Variants in OR2B11 observed in about 807,000 individuals in gnomAD.
OR2B11 encodes olfactory receptor family 2 subfamily B member 11.
For missense variants in OR2B11, 422 were observed against 400.0 expected (o/e 1.05, Z -0.47); for synonymous variants, 198 against 174.5 (o/e 1.13, Z -1.06).
At position 247,452,585 on chromosome 1, in the gene OR2B11, T is replaced by C. The variant is rs6665526; in HGVS notation, c.-603A>G. On this transcript the variant is annotated 5_prime_UTR_variant, in exon 2 of 2. It removes an upstream start codon present in the reference 5' UTR. Transcript: ENST00000641149. The stretch of plus-strand genomic sequence containing the variant: ...CGCTTGCATCCAGCTCCCGGATTCA[T>C]GCTGATCTCCGCTGTCATGACCACA... 113,256 of 155,846 alleles carry C rather than the reference T, an allele frequency of 0.73. 42,230 individuals carry two copies. Among genetic ancestry groups the C allele is most frequent in the East Asian group, 0.94 (4,901 of 5,222 alleles). 9.7% of individuals were successfully genotyped at this position (155,846 alleles called of 1,614,324 possible). A position where few individuals can be genotyped will look rare whatever the true frequency, so the allele number is the denominator to read the frequency against.
chr1:247,456,993 G>A (rs942189886), intron 1 of OR2B11, among the ~76,000 whole-genome samples: 13 of 151,986 alleles, frequency 8.6e-5, no homozygotes, highest in Non-Finnish European at 1.5e-4. Flanking sequence ...CCTCAGCCTC[G>A]TCAGTTATTC....
In OR2B11 at chr1:247,451,224, G is replaced by A. The variant is rs1356098045; in HGVS notation, c.759C>T (p.Ser253=). 6.3e-7 allele frequency: 1 copy of A among 1,599,294 alleles called. No homozygotes were observed. Among genetic ancestry groups the A allele is most frequent in the Non-Finnish European group, 8.5e-7 (1 of 1,169,800 alleles). Residue 253 remains serine, a synonymous_variant, in exon 2 of 2, where the codon TCC becomes TCT. Transcript: ENST00000641149. The stretch of plus-strand genomic sequence containing the variant: ...TGTAAATCGCAGGTAGGTAGAAGAG[G>A]GAGACGATCATCAGGTGGGAGGAAC... ...GTCSSHLMIV[S]LFYLPAIYMY...
rs4925669 is a variant in OR2B11 at position 247,458,021 on chromosome 1, G to A, written c.-3465C>T. 0.79 allele frequency: 120,242 copies of A among 152,042 alleles called. 47,757 individuals carry two copies. The highest frequency in any genetic ancestry group is 0.93 in the East Asian group (4,824 of 5,168). The allele number at this position is 152,042 out of a possible 1,614,324, so 9.4% of individuals were successfully genotyped here. A position where few individuals can be genotyped will look rare whatever the true frequency, so the allele number is the denominator to read the frequency against. On this transcript the variant is annotated 5_prime_UTR_variant, in exon 1 of 2. Transcript: ENST00000641149. ...TGGTGGAGGTTACTTCCGAGGATAA[G>A]GCTTTCAGGCAACACACCTTGCCCG...
In OR2B11 at chr1:247,449,403, G is replaced by T. The variant is rs1664789207; in HGVS notation, c.*1626C>A. On this transcript the variant is annotated 3_prime_UTR_variant, in exon 2 of 2. Transcript: ENST00000641149. ...TTATTTTGGATTTATCCCATCCGAG[G>T]AACAGTTCATCTATTATACTTCACA... The T allele has an allele frequency of 6.6e-6, 1 of 152,196 alleles. No individual in the cohort carries two copies. The highest frequency in any genetic ancestry group is 6.5e-5 in the Admixed American group (1 of 15,268). 9.4% of individuals were successfully genotyped at this position (152,196 alleles called of 1,614,324 possible).
Position 247,451,087 on chromosome 1 carries a change from T to G in OR2B11, c.896A>C (p.Lys299Thr). 6.6e-7 allele frequency: 1 copy of G among 1,511,526 alleles called. No individual in the cohort carries two copies. Among genetic ancestry groups the G allele is most frequent in the South Asian group, 1.4e-5 (1 of 73,516 alleles). 93.6% of individuals were successfully genotyped at this position (1,511,526 alleles called of 1,614,324 possible). The change falls in exon 2 of 2, where the codon AAA (lysine) becomes ACA (threonine). Residue 299 changes from lysine (K) to threonine (T), a missense_variant. Transcript: ENST00000641149. The stretch of plus-strand genomic sequence containing the variant: ...TCTCCTCAGAGCCCCCTTCATATCT[T>G]TATTTCTCAGGGTGTAGGTGAAGGG... The part of the protein sequence containing the change: ...LNPFTYTLRN[K>T]DMKGALRRLL...
At position 247,452,354 on chromosome 1, in the gene OR2B11, A is replaced by G. The variant is rs1365822588; in HGVS notation, c.-372T>C. The stretch of plus-strand genomic sequence containing the variant: ...CGAATGACAATTATGTTCCAGGTAG[A>G]GCGAAGCGTGCTGCAGCTCCCATCA... On this transcript the variant is annotated 5_prime_UTR_variant, in exon 2 of 2. Coordinates refer to ENST00000641149, the MANE Select transcript of OR2B11 (RefSeq NM_001004492.2). 9.2e-6 allele frequency: 2 copies of G among 217,150 alleles called. No homozygotes were observed. The highest frequency in any genetic ancestry group is 2.3e-5 in the African/African-American group (1 of 44,014). The allele number at this position is 217,150 out of a possible 1,614,324, so 13.5% of individuals were successfully genotyped here.
In OR2B11 at chr1:247,451,983, G is replaced by A; in HGVS notation, c.-1C>T. On this transcript the variant is annotated 5_prime_UTR_variant, in exon 2 of 2. Coordinates refer to ENST00000641149, the MANE Select transcript of OR2B11 (RefSeq NM_001004492.2). ...AGAAGCTATGGTTGTCACTTTTCAT[G>A]TTGCGGCATTTTCTGGCACTTGTGG... The A allele has an allele frequency of 1.3e-6, 2 of 1,587,232 alleles. No individual in the cohort carries two copies. The highest frequency in any genetic ancestry group is 1.7e-6 in the Non-Finnish European group (2 of 1,157,756).
rs1664998257 is a variant in OR2B11, at chr1:247,458,079, C to T, written c.-3523G>A. ...CTCTCTGTTCATTTCAAAATTATCCCTCAGATTTAACTTGACCTCATTCTC... is the reference window on the plus strand; with the variant it reads ...CTCTCTGTTCATTTCAAAATTATCCTTCAGATTTAACTTGACCTCATTCTC... On this transcript the variant is annotated 5_prime_UTR_variant, in exon 1 of 2. Transcript: ENST00000641149. 6.6e-6 allele frequency: 1 copy of T among 152,222 alleles called. No individual in the cohort carries two copies. Among genetic ancestry groups the T allele is most frequent in the Admixed American group, 6.5e-5 (1 of 15,288 alleles). The allele number at this position is 152,222 out of a possible 1,614,324, so 9.4% of individuals were successfully genotyped here.
chr1:247,455,398 A>G (rs543445669), intron 1 of OR2B11, among the ~76,000 whole-genome samples: 5 of 152,196 alleles, frequency 3.3e-5, no homozygotes, highest in Admixed American at 6.5e-5. Context: ...CATCATTGGG[A>G]TTACACTCAA....
Position 247,450,702 on chromosome 1 carries a change from GA to G in OR2B11, c.*326del. 1 of 194,862 alleles carries G rather than the reference GA, an allele frequency of 5.1e-6. No homozygotes were observed. Among genetic ancestry groups the G allele is most frequent in the Non-Finnish European group, 1.0e-5 (1 of 96,902 alleles). 12.1% of individuals were successfully genotyped at this position (194,862 alleles called of 1,614,324 possible). A position where few individuals can be genotyped will look rare whatever the true frequency, so the allele number is the denominator to read the frequency against. ...ATCTTGTGTATACTTAGGAGTAATA[GA>G]AAAGAGACAAATGGGGAGAGAATAA... On this transcript the variant is annotated 3_prime_UTR_variant, in exon 2 of 2. Transcript: ENST00000641149.
chr1:247,455,791 G>A (rs1474816439), intron 1 of OR2B11, among the ~76,000 whole-genome samples: 1 of 152,130 alleles, frequency 6.6e-6, no homozygotes, highest in African/African-American at 2.4e-5. Flanking sequence ...GAATGTCTTG[G>A]GAATCTTACG....
rs753566464 is a variant in OR2B11, at chr1:247,451,676, C to T, written c.307G>A (p.Val103Met). 6.2e-7 allele frequency: 1 copy of T among 1,614,194 alleles called. No homozygotes were observed. Among genetic ancestry groups the T allele is most frequent in the Non-Finnish European group, 8.5e-7 (1 of 1,180,022 alleles). The change falls in exon 2 of 2, where the codon GTG becomes ATG. Residue 103 changes from valine to methionine, a missense_variant. By Grantham distance (21) the Val-to-Met change is conservative. Coordinates refer to ENST00000641149, the MANE Select transcript of OR2B11 (RefSeq NM_001004492.2). ...QKTISYGGCT[V>M]QYAVFHWLGC... Reference sequence around the variant, plus strand: ...AGCCAGTGGAAGACTGCATATTGCACAGTGCAGCCTCCATAGCTGATGGTC... The same window carrying T: ...AGCCAGTGGAAGACTGCATATTGCATAGTGCAGCCTCCATAGCTGATGGTC...
rs756868155 is a variant in OR2B11 at position 247,451,217 on chromosome 1, A to G, written c.766T>C (p.Tyr256His). Residue 256 changes from tyrosine (Y) to histidine (H), a missense_variant, in exon 2 of 2, where the codon TAC (tyrosine) becomes CAC (histidine). Transcript: ENST00000641149. ...AGATACATGTAAATCGCAGGTAGGTAGAAGAGGGAGACGATCATCAGGTGG... is the reference window on the plus strand; with the variant it reads ...AGATACATGTAAATCGCAGGTAGGTGGAAGAGGGAGACGATCATCAGGTGG... The part of the protein sequence containing the change: ...SSHLMIVSLF[Y>H]LPAIYMYLQP... 4 of 1,595,002 alleles carry G rather than the reference A, an allele frequency of 2.5e-6. No homozygotes were observed. Among genetic ancestry groups the G allele is most frequent in the African/African-American group, 2.7e-5 (2 of 74,616 alleles).
At chr1:247,457,037 G>A (rs1331903513) in intron 1 of OR2B11, among the ~76,000 whole-genome samples, 1 of 152,108 alleles carries the variant, frequency 6.6e-6, no homozygotes, top group Non-Finnish European at 1.5e-5. Flanking sequence ...AAGAGGAGGA[G>A]AAGGAGCTGG....
Position 247,450,368 on chromosome 1 carries a change from C to G in OR2B11, c.*661G>C, listed in dbSNP as rs1664817761. 1 of 152,170 alleles carries G rather than the reference C, an allele frequency of 6.6e-6. No homozygotes were observed. The highest frequency in any genetic ancestry group is 1.5e-5 in the Non-Finnish European group (1 of 68,044). 9.4% of individuals were successfully genotyped at this position (152,170 alleles called of 1,614,324 possible). On this transcript the variant is annotated 3_prime_UTR_variant, in exon 2 of 2. Coordinates refer to ENST00000641149, the MANE Select transcript of OR2B11 (RefSeq NM_001004492.2). ...CTTTTTCGTATAATGACTTATTTTC[C>G]TCTGGGTAGATGCCCCGTAGTGGGA...
At chr1:247,456,727 G>T (rs923539406) in intron 1 of OR2B11, among the ~76,000 whole-genome samples, 3 of 151,582 alleles carry the variant, frequency 2.0e-5, no homozygotes, top group Admixed American at 2.0e-4. Context: ...CGTCATCTAC[G>T]TTAGGTATTT....
rs1289175272 is a variant in OR2B11 at position 247,452,923 on chromosome 1, G to A, written c.-941C>T. The A allele has an allele frequency of 6.6e-6, 1 of 152,178 alleles. No homozygotes were observed. Among genetic ancestry groups the A allele is most frequent in the African/African-American group, 2.4e-5 (1 of 41,422 alleles). The allele number at this position is 152,178 out of a possible 1,614,324, so 9.4% of individuals were successfully genotyped here. ...TGCCGAGCAGCTGTCACCTCTCAGT[G>A]ATAGAAAACAGCCAATTTGATTTCT... On this transcript the variant is annotated 5_prime_UTR_variant, in exon 2 of 2. Coordinates refer to ENST00000641149, the MANE Select transcript of OR2B11 (RefSeq NM_001004492.2).
At chr1:247,457,373 G>A (rs1465672217) in intron 1 of OR2B11, among the ~76,000 whole-genome samples, 4 of 152,062 alleles carry the variant, frequency 2.6e-5, no homozygotes, top group Non-Finnish European at 4.4e-5. Context: ...TGTGTGCAGC[G>A]TCCACTGTTC....
In OR2B11 at chr1:247,449,396, A is replaced by G. The variant is rs974131131; in HGVS notation, c.*1633T>C. On this transcript the variant is annotated 3_prime_UTR_variant, in exon 2 of 2. Transcript: ENST00000641149. ...TAACAGCTTATTTTGGATTTATCCC[A>G]TCCGAGGAACAGTTCATCTATTATA... is the stretch of plus-strand genomic sequence containing the variant. 1 of 152,256 alleles carries G rather than the reference A, an allele frequency of 6.6e-6. No individual in the cohort carries two copies. Among genetic ancestry groups the G allele is most frequent in the African/African-American group, 2.4e-5 (1 of 41,472 alleles). The allele number at this position is 152,256 out of a possible 1,614,324, so 9.4% of individuals were successfully genotyped here.
Sources: gnomAD v4.1 joint callset for allele counts (sites outside exome capture counted in the v4.1 genomes callset) on GRCh38, gnomAD v4.1.1 for gene constraint, MANE v1.5 for transcripts, NCBI Gene and HGNC (gene_info 2026-07-23, HGNC 2026-07-21) for gene names.